Variants in IGSF10 observed in about 807,000 individuals in gnomAD.
The protein encoded by IGSF10 is immunoglobulin superfamily member 10.
IGSF10 carries 126 observed loss-of-function variants against 128.2 expected under a neutral mutation model. The observed-to-expected ratio is 0.98, with a 90% CI of 0.85 to 1.14. The LOEUF (loss-of-function observed/expected upper bound fraction) is 1.14, where lower values mean the gene tolerates loss of function less well. Ranked by LOEUF, IGSF10 falls within the 50% of genes most tolerant of loss-of-function variation. The probability of loss-of-function intolerance (pLI) is 0.00; values close to 1 mark genes in which losing one functional copy is unlikely to be tolerated. For synonymous variants in IGSF10, 1,185 were observed against 1,146.2 expected (o/e 1.03, Z -0.68); for missense variants, 3,295 against 3,149.8 (o/e 1.05, Z -1.10).
chr3:151,526,648 T>TA, the IGSF10 span, among the ~76,000 whole-genome samples: 1 of 152,146 alleles, frequency 6.6e-6, no homozygotes, highest in African/African-American at 2.4e-5. Flanking sequence ...CCTCTAATAT[T>TA]AAAAAAATTT....
chr3:151,509,889 G>C, the IGSF10 span, among the ~76,000 whole-genome samples: 1 of 152,214 alleles, frequency 6.6e-6, no homozygotes, highest in Non-Finnish European at 1.5e-5. Context: ...TAGCACAGCA[G>C]TCTGAGATCA....
chr3:151,455,928 A>G (rs1020742189), intron 4 of IGSF10, among the ~76,000 whole-genome samples: 1 of 152,220 alleles, frequency 6.6e-6, no homozygotes, highest in Non-Finnish European at 1.5e-5. Context: ...GGCCTGAACT[A>G]TCATCTCTGT....
the IGSF10 span, among the ~76,000 whole-genome samples, chr3:151,569,918 G>T: frequency 7.8e-6 from 1 of 128,072 alleles, no homozygotes; most frequent in African/African-American, 3.0e-5. Context: ...AGTGTGTCAC[G>T]TTCCCCTCCC....
intron 7 of IGSF10, among the ~76,000 whole-genome samples, chr3:151,439,614 G>GA (rs936145624): frequency 2.0e-5 from 3 of 152,184 alleles, no homozygotes; most frequent in Non-Finnish European, 2.9e-5. Context: ...AACTGTTTTA[G>GA]AAAAAAATAA....
the IGSF10 span, among the ~76,000 whole-genome samples, chr3:151,538,774 T>C: frequency 6.6e-6 from 1 of 152,152 alleles, no homozygotes; most frequent in Non-Finnish European, 1.5e-5. Context: ...CAGAACAATG[T>C]TGAGTTGAAT....
At chr3:151,587,359 T>C in the IGSF10 span, among the ~76,000 whole-genome samples, 8 of 152,304 alleles carry the variant, frequency 5.3e-5, no homozygotes, top group Admixed American at 5.2e-4. Context: ...AATTAATATG[T>C]AAGTTTGGCT....
chr3:151,517,352 C>A, the IGSF10 span, among the ~76,000 whole-genome samples: 1 of 151,942 alleles, frequency 6.6e-6, no homozygotes, highest in East Asian at 1.9e-4. Context: ...ATTCTTTGAT[C>A]TATTTGATTT....
chr3:151,441,533 G>A (rs6792496), intron 7 of IGSF10, among the ~76,000 whole-genome samples: 123,436 of 152,168 alleles, frequency 0.81, 50,821 homozygotes, highest in Middle Eastern at 0.95. Flanking sequence ...GTCATTAGAA[G>A]AAAATCTTCA....
chr3:151,468,940 A>C, the IGSF10 span, among the ~76,000 whole-genome samples: 129 of 152,194 alleles, frequency 8.5e-4, no homozygotes, highest in South Asian at 0.011. Context: ...CCCTGTGTCC[A>C]TGTGTTCTCA....
chr3:151,486,999 G>T, the IGSF10 span, among the ~76,000 whole-genome samples: 1 of 45,040 alleles, frequency 2.2e-5, no homozygotes, highest in African/African-American at 1.2e-4. Flanking sequence ...CAGAACTGAA[G>T]GAGATAGACA....
At chr3:151,484,514 C>CATA in the IGSF10 span, among the ~76,000 whole-genome samples, 1 of 152,120 alleles carries the variant, frequency 6.6e-6, no homozygotes, top group Non-Finnish European at 1.5e-5. Context: ...GGAGACACCT[C>CATA]CCAGTAGGGG....
the IGSF10 span, among the ~76,000 whole-genome samples, chr3:151,593,183 T>C: frequency 6.6e-6 from 1 of 151,182 alleles, no homozygotes; most frequent in South Asian, 2.1e-4. Context: ...CAGGCTAGAG[T>C]GTAGGGACAT....
At chr3:151,455,365 G>A (rs199800415) in intron 4 of IGSF10, among the ~76,000 whole-genome samples, 55 of 131,030 alleles carry the variant, frequency 4.2e-4, no homozygotes, top group African/African-American at 1.4e-3. Context: ...GCCCCCCCTT[G>A]GCCTCCCAAA....
the IGSF10 span, among the ~76,000 whole-genome samples, chr3:151,484,666 G>C: frequency 1.3e-5 from 2 of 150,138 alleles, no homozygotes; most frequent in Non-Finnish European, 2.9e-5. Flanking sequence ...ACAGGATCTG[G>C]AGTGGACCTC....
At chr3:151,491,249 C>A in the IGSF10 span, among the ~76,000 whole-genome samples, 1 of 152,050 alleles carries the variant, frequency 6.6e-6, no homozygotes, top group Non-Finnish European at 1.5e-5. Flanking sequence ...TAACCTAGAG[C>A]AAATTGATAA....
chr3:151,447,003 T>G lies in IGSF10; in HGVS notation c.2978A>C (p.Gln993Pro), dbSNP rs1721234676. The G allele has an allele frequency of 1.9e-6, 3 of 1,613,992 alleles. No homozygotes were observed. The highest frequency in any genetic ancestry group is 2.5e-6 in the Non-Finnish European group (3 of 1,180,000). The part of the protein sequence containing the change: ...PSDPHTAAHS[Q>P]FPIPRNSTVN... Reference sequence around the variant, plus strand: ...TGTACTATTTCTAGGGATCGGAAACTGAGAATGAGCAGCTGTGTGTGGATC... The same window carrying G: ...TGTACTATTTCTAGGGATCGGAAACGGAGAATGAGCAGCTGTGTGTGGATC... The change falls in exon 6 of 8, where the codon CAG becomes CCG. Residue 993 changes from glutamine to proline, a missense_variant. Gln to Pro is a moderately conservative substitution (Grantham distance 76, BLOSUM62 -1). Transcript: ENST00000282466.
chr3:151,490,524 A>T, the IGSF10 span, among the ~76,000 whole-genome samples: 1 of 151,482 alleles, frequency 6.6e-6, no homozygotes, highest in Non-Finnish European at 1.5e-5. Flanking sequence ...TTTTTTACCA[A>T]AAAGACCTAA....
At chr3:151,574,639 T>C in the IGSF10 span, among the ~76,000 whole-genome samples, 3 of 152,334 alleles carry the variant, frequency 2.0e-5, no homozygotes, top group East Asian at 5.8e-4. Flanking sequence ...TCAAGGTTTT[T>C]AGCTTCCTTG....
the IGSF10 span, among the ~76,000 whole-genome samples, chr3:151,571,859 G>T: frequency 2.0e-5 from 3 of 152,154 alleles, no homozygotes; most frequent in Non-Finnish European, 4.4e-5. Context: ...CTGTGGGTTT[G>T]TCATAAATAG....
Sources: allele counts gnomAD v4.1 joint callset (sites outside exome capture counted in the v4.1 genomes callset), GRCh38; gene constraint gnomAD v4.1.1; transcripts MANE v1.5; gene names NCBI Gene and HGNC (gene_info 2026-07-23, HGNC 2026-07-21).